GLDC: variants seen among roughly 807,000 people sequenced by gnomAD.
GLDC encodes glycine dehydrogenase (decarboxylating), mitochondrial.
Under a neutral mutation model 121.3 loss-of-function variants are expected in GLDC, and 104 were observed. The observed-to-expected ratio is 0.86, with a 90% confidence interval of 0.73 to 1.01. The LOEUF is 1.01. GLDC is among the 50% of genes least tolerant of loss of function. The pLI is 0.00. For synonymous variants in GLDC, 546 were observed against 480.6 expected (o/e 1.14, Z -1.78); for missense variants, 1,429 against 1,306.6 (o/e 1.09, Z -1.44).
intron 4 of GLDC, among the ~76,000 whole-genome samples, chr9:6,609,729 G>C (rs965654867): frequency 2.6e-5 from 4 of 151,660 alleles, no homozygotes; most frequent in African/African-American, 9.7e-5. Context: ...AGCTGTTTAA[G>C]GTCACATTTC....
rs7023971 is a variant in GLDC, at chr9:6,605,314, C to T, written c.714-36G>A. On this transcript the variant is annotated intron_variant, in intron 5 of 24. Coordinates refer to ENST00000321612, the MANE Select transcript of GLDC (RefSeq NM_000170.3). ...AGACAACAAAGAACAATCGTGCTTT[C>T]GGTTTATAAGGGAAAATTAATTAAC... is the stretch of plus-strand genomic sequence containing the variant. The T allele has an allele frequency of 4.5e-3, 7,161 of 1,608,388 alleles. 258 individuals carry two copies. The African/African-American group carries it at 0.08, about 18-fold the overall frequency.
chr9:6,637,122 C>G (rs1819520450), intron 2 of GLDC, among the ~76,000 whole-genome samples: 1 of 150,206 alleles, frequency 6.7e-6, no homozygotes, highest in South Asian at 2.1e-4. Flanking sequence ...CACAATGGCT[C>G]ACGCCTGTAA....
At chr9:6,615,015 C>T (rs1261267487) in intron 3 of GLDC, among the ~76,000 whole-genome samples, 1 of 152,194 alleles carries the variant, frequency 6.6e-6, no homozygotes, top group Non-Finnish European at 1.5e-5. Flanking sequence ...CAATCTGTCA[C>T]TGACCAAAAT....
chr9:6,616,517 T>C (rs909684526), intron 3 of GLDC, among the ~76,000 whole-genome samples: 9 of 152,194 alleles, frequency 5.9e-5, no homozygotes, highest in Non-Finnish European at 1.2e-4. Flanking sequence ...TAAAGGACAG[T>C]GAGCCTTGGA....
intron 24 of GLDC, 51 bp from the exon 25 acceptor site, chr9:6,533,211 C>T: frequency 6.4e-7 from 1 of 1,562,924 alleles, no homozygotes; most frequent in Non-Finnish European, 8.8e-7. Context: ...GGAGGTTTCT[C>T]TTAGGGCAAA....
rs560621040 is a variant in GLDC, at chr9:6,563,284, G to A, written c.1926+2070C>T. On this transcript the variant is annotated intron_variant, in intron 16 of 24. Coordinates refer to ENST00000321612, the MANE Select transcript of GLDC (RefSeq NM_000170.3). The stretch of plus-strand genomic sequence containing the variant: ...CAGATTGGGAAATTTGGGAAATGGC[G>A]AGGGGTGGGAAGCATTACTGCGTGG... Among the ~76,000 whole-genome samples, 8 of 152,334 alleles carry A rather than the reference G, an allele frequency of 5.3e-5. No individual in the cohort carries two copies. The East Asian group carries it at 5.8e-4, about 11-fold the overall frequency.
chr9:6,549,495 G>C (rs34750106), intron 21 of GLDC, among the ~76,000 whole-genome samples: 4,956 of 152,234 alleles, frequency 0.033, 124 homozygotes, highest in Non-Finnish European at 0.049. Context: ...CTCAGGTGTG[G>C]AGTGCCCCTC....
chr9:6,548,071 G>A (rs867471943), intron 21 of GLDC, among the ~76,000 whole-genome samples: 7 of 152,168 alleles, frequency 4.6e-5, no homozygotes, highest in Non-Finnish European at 1.0e-4. Flanking sequence ...CCCAGGAGCT[G>A]AAGATTGCAA....
At chr9:6,598,332 T>A (rs969663978) in intron 8 of GLDC, among the ~76,000 whole-genome samples, 1 of 152,216 alleles carries the variant, frequency 6.6e-6, no homozygotes, top group Non-Finnish European at 1.5e-5. Context: ...CACCCTGTTT[T>A]TTCAGTTTTG....
Position 6,604,130 on chromosome 9 carries a change from A to G in GLDC, c.1058+458T>C, listed in dbSNP as rs148609887. Among the ~76,000 whole-genome samples the G allele has an allele frequency of 5.3e-3, 805 of 152,270 alleles. 6 individuals are homozygous for G. Among genetic ancestry groups the G allele is most frequent in the African/African-American group, 0.019 (777 of 41,556 alleles). On this transcript the variant is annotated intron_variant, in intron 7 of 24. Transcript: ENST00000321612. ...TTCACCAATGAGAAGCAGTCAGGAA[A>G]GTACATTTGGAAATTTGGAAATTAC...
chr9:6,616,056 C>T (rs1368659030), intron 3 of GLDC, among the ~76,000 whole-genome samples: 1 of 152,204 alleles, frequency 6.6e-6, no homozygotes, highest in Non-Finnish European at 1.5e-5. Flanking sequence ...GCCTCAGCCT[C>T]CCAAGGAGCT....
At chr9:6,610,960 C>T (rs921859450) in intron 3 of GLDC, among the ~76,000 whole-genome samples, 7 of 152,168 alleles carry the variant, frequency 4.6e-5, no homozygotes, top group Non-Finnish European at 8.8e-5. Flanking sequence ...AGATAAAAGA[C>T]CTCATTCACA....
At chr9:6,627,044 C>G (rs1194885963) in intron 2 of GLDC, among the ~76,000 whole-genome samples, 1 of 151,992 alleles carries the variant, frequency 6.6e-6, no homozygotes, top group Non-Finnish European at 1.5e-5. Flanking sequence ...GCCTGTAATC[C>G]CAGCACTTTG....
chr9:6,606,752 C>T (rs1163742674), intron 4 of GLDC, 83 bp from the exon 5 acceptor site: 35 of 849,242 alleles, frequency 4.1e-5, no homozygotes, highest in East Asian at 4.8e-5. Context: ...AACATAGTAC[C>T]GAGGGTAAGT....
chr9:6,578,994 C>T (rs1018046700), intron 15 of GLDC, among the ~76,000 whole-genome samples: 2 of 152,108 alleles, frequency 1.3e-5, no homozygotes, highest in African/African-American at 4.8e-5. Flanking sequence ...TCAACATGCC[C>T]TTATGTTCCT....
At chr9:6,637,340 G>A (rs1242863647) in intron 2 of GLDC, among the ~76,000 whole-genome samples, 2 of 151,780 alleles carry the variant, frequency 1.3e-5, no homozygotes, top group East Asian at 3.9e-4. Flanking sequence ...CGGAGGCAGA[G>A]GTTGCAGTGA....
intron 4 of GLDC, among the ~76,000 whole-genome samples, chr9:6,607,180 A>C (rs1295313404): frequency 1.3e-5 from 2 of 152,226 alleles, no homozygotes; most frequent in Non-Finnish European, 1.5e-5. Flanking sequence ...CAGTCTTAAG[A>C]TGGTTCAATT....
In GLDC at chr9:6,532,908, G is replaced by A; in HGVS notation, c.*109C>T. ...GACAGAGATTACAGAGATATACACA[G>A]TATATAAAACTCCTACTTGAGGCTG... On this transcript the variant is annotated 3_prime_UTR_variant, in exon 25 of 25. Transcript: ENST00000321612. 1 of 806,896 alleles carries A rather than the reference G, an allele frequency of 1.2e-6. No individual in the cohort carries two copies. The highest frequency in any genetic ancestry group is 2.4e-5 in the East Asian group (1 of 41,208). 50.0% of individuals were successfully genotyped at this position (806,896 alleles called of 1,614,324 possible).
chr9:6,639,668 A>AAAATATATATATATATATAT lies in GLDC; in HGVS notation c.334+4945_334+4946insATATATATATATATATATTT. The AAAATATATATATATATATAT allele has an allele frequency of 1.6e-3, 401 of 250,420 alleles. 1 individual carries two copies. The highest frequency in any genetic ancestry group is 7.0e-3 in the East Asian group (61 of 8,678). The allele number at this position is 250,420 out of a possible 1,614,324, so 15.5% of individuals were successfully genotyped here. ...ATATATCTTTTCACCATAAAAAAAA[A>AAAATATATATATATATATAT]GTATATATATATATATATATGGACA... On this transcript the variant is annotated intron_variant, in intron 2 of 24. Transcript: ENST00000321612.
Sources: gnomAD v4.1 joint callset for allele counts (sites outside exome capture counted in the v4.1 genomes callset) on GRCh38, gnomAD v4.1.1 for gene constraint, MANE v1.5 for transcripts, NCBI Gene and HGNC (gene_info 2026-07-23, HGNC 2026-07-21) for gene names.